TNFRSF1A: variants seen among roughly 807,000 people sequenced by gnomAD.
TNFRSF1A encodes the protein tumor necrosis factor receptor superfamily member 1A.
A neutral mutation model predicts 41.6 loss-of-function variants in TNFRSF1A; 9 were observed. That is an observed-to-expected ratio of 0.22 (90% CI 0.13 to 0.38). TNFRSF1A has a LOEUF of 0.38. TNFRSF1A is among the 10% of genes least tolerant of loss of function. TNFRSF1A has a pLI of 1.00. For missense variants in TNFRSF1A, 463 were observed against 591.5 expected (o/e 0.78, Z 2.25); for synonymous variants, 254 against 248.6 (o/e 1.02, Z -0.21).
chr12:6,332,984 C>T, intron 5 of TNFRSF1A, 85 bp downstream of exon 5: 2 of 1,266,440 alleles, frequency 1.6e-6, no homozygotes, highest in Non-Finnish European at 2.3e-6. Context: ...ATCCTGGCAT[C>T]TGTTGCCCAG....
At chr12:6,336,175 C>G (rs1466614710) in intron 1 of TNFRSF1A, among the ~76,000 whole-genome samples, 2 of 152,298 alleles carry the variant, frequency 1.3e-5, no homozygotes, top group African/African-American at 2.4e-5. Flanking sequence ...CAGCCCCAGA[C>G]AGCCTTAAAG....
In TNFRSF1A at chr12:6,337,892, T is replaced by C. The variant is rs560652485; in HGVS notation, c.40-3648A>G. Among the ~76,000 whole-genome samples the C allele has an allele frequency of 7.9e-5, 12 of 152,228 alleles. No homozygotes were observed. Among genetic ancestry groups the C allele is most frequent in the African/African-American group, 2.7e-4 (11 of 41,508 alleles). ...ATCAACTGATCGATCTAATGATACA[T>C]CTGTCTTCCACTCTAGTAGAAGCCA... On this transcript the variant is annotated intron_variant, in intron 1 of 9. Coordinates refer to ENST00000162749, the MANE Select transcript of TNFRSF1A (RefSeq NM_001065.4). This position sits in a 1 kb window ranked among gnomAD's most constrained non-coding sequence, Gnocchi z 4.6.
At position 6,333,590 on chromosome 12, in the gene TNFRSF1A, A is replaced by C. The variant is rs1592047646; in HGVS notation, c.323-74T>G. The C allele has an allele frequency of 1.2e-6, 2 of 1,602,730 alleles. No homozygotes were observed. On this transcript the variant is annotated intron_variant, in intron 3 of 9. Transcript: ENST00000162749. The surrounding 1 kb of genome is among the most constrained non-coding windows in gnomAD (Gnocchi z 6.3). ...GCATCCCCTTCCTGACATACCCCTA[A>C]GTGTGTGTCTCTGTAATACACACTC...
rs1948138305 is a variant in TNFRSF1A, at chr12:6,337,670, G to A, written c.40-3426C>T. 6.6e-6 allele frequency among the ~76,000 whole-genome samples: 1 copy of A among 152,138 alleles called. No homozygotes were observed. On this transcript the variant is annotated intron_variant, in intron 1 of 9. Transcript: ENST00000162749. The surrounding 1 kb of genome is among the most constrained non-coding windows in gnomAD (Gnocchi z 4.6). ...CATAGTCCCTGTGAACTCGAAGCAC[G>A]TGAACTGACCCTATCTACTTTTGGC...
At position 6,341,758 on chromosome 12, in the gene TNFRSF1A, C is replaced by T; in HGVS notation, c.39+18G>A. ...GCCTCGCCCACCAGCCCACTCTTCCCTTTGTCCCTGGTCTCACCAGTGGCA... is the reference window on the plus strand; with the variant it reads ...GCCTCGCCCACCAGCCCACTCTTCCTTTTGTCCCTGGTCTCACCAGTGGCA... On this transcript the variant is annotated intron_variant, in intron 1 of 9. Coordinates refer to ENST00000162749, the MANE Select transcript of TNFRSF1A (RefSeq NM_001065.4). The surrounding 1 kb of genome is among the most constrained non-coding windows in gnomAD (Gnocchi z 4.6). 1 of 1,614,058 alleles carries T rather than the reference C, an allele frequency of 6.2e-7. No homozygotes were observed. Among genetic ancestry groups the T allele is most frequent in the Non-Finnish European group, 8.5e-7 (1 of 1,179,958 alleles).
rs553606028 is a variant in TNFRSF1A, at chr12:6,337,014, C to A, written c.40-2770G>T. 1.2e-4 allele frequency among the ~76,000 whole-genome samples: 18 copies of A among 152,344 alleles called. No individual in the cohort carries two copies. The highest frequency in any genetic ancestry group is 3.3e-4 in the Admixed American group (5 of 15,314). ...TGGCAATACAGGAAAGCCTCCAGAG[C>A]CCTGAACACCCACTTCCAGGAACGA... On this transcript the variant is annotated intron_variant, in intron 1 of 9. Transcript: ENST00000162749. This position sits in a 1 kb window ranked among gnomAD's most constrained non-coding sequence, Gnocchi z 4.6.
intron 1 of TNFRSF1A, among the ~76,000 whole-genome samples, chr12:6,340,901 G>A (rs988822077): frequency 1.3e-5 from 2 of 152,298 alleles, no homozygotes; most frequent in South Asian, 2.1e-4. Context: ...TTCCAGTGAC[G>A]AAAACAACTT....
At chr12:6,340,671 G>C (rs898851355) in intron 1 of TNFRSF1A, among the ~76,000 whole-genome samples, 7 of 152,222 alleles carry the variant, frequency 4.6e-5, no homozygotes. Context: ...TCTGAGGAGA[G>C]TCTGGGGAGA....
Position 6,330,247 on chromosome 12 carries a change from ACT to A in TNFRSF1A, c.768+18_768+19del, listed in dbSNP as rs1266385286. The stretch of plus-strand genomic sequence containing the variant: ...GAATGGTCAGGGACATTTGGGAGTA[ACT>A]CTCTCATTTCATCTCACCTCTTTTT... On this transcript the variant is annotated intron_variant, in intron 8 of 9. Coordinates refer to ENST00000162749, the MANE Select transcript of TNFRSF1A (RefSeq NM_001065.4). 2 of 1,613,940 alleles carry A rather than the reference ACT, an allele frequency of 1.2e-6. No individual in the cohort carries two copies. The highest frequency in any genetic ancestry group is 1.7e-5 in the Admixed American group (1 of 59,994).
intron 1 of TNFRSF1A, among the ~76,000 whole-genome samples, chr12:6,339,182 A>G (rs1295285930): frequency 6.6e-6 from 1 of 151,866 alleles, no homozygotes; most frequent in Non-Finnish European, 1.5e-5. Context: ...CCATCTCTCC[A>G]TTCCTCTCCT....
At position 6,329,605 on chromosome 12, in the gene TNFRSF1A, G is replaced by A. The variant is rs151344628; in HGVS notation, c.1075C>T (p.Leu359=). ...QSLDTDDPAT[L]YAVVENVPPL... is the part of the protein sequence containing the mutation. ...GGCACGTTCTCCACCACGGCGTACA[G>A]CGTCGCGGGGTCATCAGCTGCGGGG... Residue 359 remains leucine, a synonymous_variant, in exon 10 of 10, where the codon CTG becomes TTG. Transcript: ENST00000162749. 6.3e-4 allele frequency: 1,009 copies of A among 1,593,250 alleles called. No homozygotes were observed. The highest frequency in any genetic ancestry group is 1.6e-3 in the Admixed American group (94 of 59,420).
intron 1 of TNFRSF1A, among the ~76,000 whole-genome samples, chr12:6,336,939 TTA>T (rs1267389265): frequency 6.6e-6 from 1 of 152,110 alleles, no homozygotes; most frequent in Non-Finnish European, 1.5e-5. Flanking sequence ...CAGACAATCC[TTA>T]GGAAACAAGG....
Position 6,341,643 on chromosome 12 carries a change from G to T in TNFRSF1A, c.39+133C>A. The T allele has an allele frequency of 9.9e-7, 1 of 1,010,964 alleles. No homozygotes were observed. Among genetic ancestry groups the T allele is most frequent in the South Asian group, 1.4e-5 (1 of 73,998 alleles). 62.6% of individuals were successfully genotyped at this position (1,010,964 alleles called of 1,614,324 possible). On this transcript the variant is annotated intron_variant, in intron 1 of 9. Transcript: ENST00000162749. The surrounding 1 kb of genome is among the most constrained non-coding windows in gnomAD (Gnocchi z 4.6). ...CCACACTGGCAGTGGCTGAGGTTAG[G>T]ACCTGCAGGCCTGAGGCTGGCGCCA...
intron 5 of TNFRSF1A, among the ~76,000 whole-genome samples, chr12:6,332,449 AAAAAAAC>A (rs1388175632): frequency 4.6e-5 from 7 of 150,748 alleles, no homozygotes; most frequent in Non-Finnish European, 7.4e-5. Context: ...AAAAAAAAAA[AAAAAAAC>A]ACCAAAAGAA....
At position 6,341,723 on chromosome 12, in the gene TNFRSF1A, G is replaced by GC; in HGVS notation, c.39+52dup. On this transcript the variant is annotated intron_variant, in intron 1 of 9. Coordinates refer to ENST00000162749, the MANE Select transcript of TNFRSF1A (RefSeq NM_001065.4). The surrounding 1 kb of genome is among the most constrained non-coding windows in gnomAD (Gnocchi z 4.6). ...CCCCTCCCGGAGAGGGCCCACGCCA[G>GC]CCGGAAGGTGCCTCGCCCACCAGCC... The GC allele has an allele frequency of 6.2e-7, 1 of 1,607,198 alleles. No individual in the cohort carries two copies. Among genetic ancestry groups the GC allele is most frequent in the Non-Finnish European group, 8.5e-7 (1 of 1,175,668 alleles).
chr12:6,330,351 C>T (rs1355540663), intron 7 of TNFRSF1A, 56 bp from the exon 8 acceptor site: 2 of 1,549,904 alleles, frequency 1.3e-6, no homozygotes, highest in African/African-American at 1.4e-5. Flanking sequence ...AGCCCTGGCA[C>T]CCTGGACTCA....
intron 1 of TNFRSF1A, among the ~76,000 whole-genome samples, chr12:6,336,370 C>G (rs1297323854): frequency 6.6e-6 from 1 of 152,008 alleles, no homozygotes; most frequent in Non-Finnish European, 1.5e-5. Flanking sequence ...GGGAGGGAGA[C>G]CTAGGGAGGG....
At chr12:6,331,022 A>C in intron 5 of TNFRSF1A, 96 bp from the exon 6 acceptor site, 1 of 1,058,164 alleles carries the variant, frequency 9.5e-7, no homozygotes, top group African/African-American at 1.6e-5. Flanking sequence ...TTCTTTACAA[A>C]TATTTTTGCT....
chr12:6,330,421 G>C (rs143323118), intron 7 of TNFRSF1A, 126 bp from the exon 8 acceptor site: 7 of 1,091,248 alleles, frequency 6.4e-6, no homozygotes, highest in African/African-American at 3.1e-5. Flanking sequence ...AGGGACGAGA[G>C]AGCTACTGAT....
Sources: gnomAD v4.1 joint callset for allele counts (sites outside exome capture counted in the v4.1 genomes callset) on GRCh38, gnomAD v4.1.1 for gene constraint, Gnocchi (gnomAD v3.1) non-coding constraint, MANE v1.5 for transcripts, NCBI Gene and HGNC (gene_info 2026-07-23, HGNC 2026-07-21) for gene names.